Variants in TDRD3 observed in about 807,000 individuals in gnomAD.
TDRD3 encodes tudor domain-containing protein 3.
A neutral mutation model predicts 86.7 loss-of-function variants in TDRD3; 45 were observed. The ratio of observed to expected loss-of-function variants is 0.52; its 90% CI spans 0.41 to 0.67. The LOEUF is 0.67. Ranked by LOEUF, TDRD3 falls within the 30% of genes least tolerant of loss-of-function variation. The probability of loss-of-function intolerance (pLI) is 0.00; values close to 1 mark genes in which losing one functional copy is unlikely to be tolerated. For synonymous variants in TDRD3, 298 were observed against 301.7 expected (o/e 0.99, Z 0.13); for missense variants, 814 against 889.0 (o/e 0.92, Z 1.07).
chr13:60,564,406 C>T (rs2137975792), intron 12 of TDRD3, among the ~76,000 whole-genome samples: 1 of 152,288 alleles, frequency 6.6e-6, no homozygotes, highest in African/African-American at 2.4e-5. Context: ...AAAAGATTTT[C>T]TGGTGCCAAA....
chr13:60,565,634 GTTCTCCAGCCAA>G (rs1361741814), intron 12 of TDRD3, among the ~76,000 whole-genome samples: 1 of 151,712 alleles, frequency 6.6e-6, no homozygotes, highest in African/African-American at 2.4e-5. Flanking sequence ...ATTTTTAGAT[GTTCTCCAGCCAA>G]TTCTGCAGCC....
chr13:60,447,000 T>C (rs552436630), intron 3 of TDRD3, among the ~76,000 whole-genome samples: 1 of 152,314 alleles, frequency 6.6e-6, no homozygotes, highest in Admixed American at 6.5e-5. Context: ...GGACAACAGT[T>C]GGCAAACAGA....
rs754960025 is a variant in TDRD3 at position 60,509,758 on chromosome 13, TC to T, written c.859-3del. ...TCAGCCAGCTTTTCTCTTTATTCCT[TC>T]CAGGTTGATGAGAAAGCTCTGAAGC... On this transcript the variant is annotated splice_polypyrimidine_tract_variant and splice_region_variant and intron_variant, in intron 8 of 13. Transcript: ENST00000377881. The T allele has an allele frequency of 6.2e-7, 1 of 1,613,582 alleles. No homozygotes were observed. Among genetic ancestry groups the T allele is most frequent in the Non-Finnish European group, 8.5e-7 (1 of 1,179,550 alleles).
intron 1 of TDRD3, among the ~76,000 whole-genome samples, chr13:60,413,302 T>C (rs1047906653): frequency 6.6e-6 from 1 of 152,186 alleles, no homozygotes; most frequent in Admixed American, 6.5e-5. Context: ...AACACTGCCA[T>C]GTACCTTTTA....
chr13:60,408,167 T>A (rs1176840953), intron 1 of TDRD3, among the ~76,000 whole-genome samples: 1 of 152,140 alleles, frequency 6.6e-6, no homozygotes, highest in Non-Finnish European at 1.5e-5. Context: ...CATTTTCTCT[T>A]GCCAATGCCA....
At chr13:60,491,637 G>A (rs554970687) in intron 7 of TDRD3, among the ~76,000 whole-genome samples, 3 of 152,270 alleles carry the variant, frequency 2.0e-5, no homozygotes, top group Non-Finnish European at 2.9e-5. Flanking sequence ...ATATAGAATC[G>A]AGGAAGTTGT....
chr13:60,515,398 T>G (rs1287936485), intron 10 of TDRD3, among the ~76,000 whole-genome samples: 1 of 152,188 alleles, frequency 6.6e-6, no homozygotes, highest in Non-Finnish European at 1.5e-5. Context: ...AAACTCTCTT[T>G]GATGATGTTG....
intron 3 of TDRD3, among the ~76,000 whole-genome samples, chr13:60,452,183 T>C (rs905695935): frequency 2.0e-5 from 3 of 152,190 alleles, no homozygotes; most frequent in Non-Finnish European, 4.4e-5. Context: ...TATCTCTTCC[T>C]TTATTTTTCC....
At chr13:60,403,342 CT>C (rs1296394613) in intron 1 of TDRD3, among the ~76,000 whole-genome samples, 3 of 152,244 alleles carry the variant, frequency 2.0e-5, no homozygotes, top group East Asian at 3.9e-4. Flanking sequence ...ACTATATCAA[CT>C]TTTTTGGCTT....
intron 4 of TDRD3, among the ~76,000 whole-genome samples, chr13:60,463,450 G>A (rs1594964839): frequency 6.6e-6 from 1 of 151,458 alleles, no homozygotes; most frequent in African/African-American, 2.4e-5. Context: ...CATTGGTCTG[G>A]GCAAAAATTT....
intron 1 of TDRD3, among the ~76,000 whole-genome samples, chr13:60,414,981 A>C (rs1954462426): frequency 2.6e-5 from 4 of 152,112 alleles, no homozygotes; most frequent in African/African-American, 9.7e-5. Context: ...CTGTTAAAAC[A>C]CATCAGTCTT....
At chr13:60,509,497 C>T (rs1448590322) in intron 8 of TDRD3, 1 of 375,906 alleles carries the variant, frequency 2.7e-6, no homozygotes, top group African/African-American at 2.1e-5. Context: ...AAAGGCCATA[C>T]TCTAACATAT....
intron 4 of TDRD3, among the ~76,000 whole-genome samples, chr13:60,462,930 A>G (rs897138777): frequency 3.3e-5 from 5 of 152,324 alleles, no homozygotes; most frequent in South Asian, 2.1e-4. Flanking sequence ...ACATAGACCA[A>G]TGGAACAGAA....
At chr13:60,569,899 C>T (rs946984285) in intron 13 of TDRD3, among the ~76,000 whole-genome samples, 5 of 152,158 alleles carry the variant, frequency 3.3e-5, no homozygotes, top group Non-Finnish European at 7.4e-5. Context: ...TTCCTACTCT[C>T]ATCATAAGCA....
intron 1 of TDRD3, among the ~76,000 whole-genome samples, chr13:60,431,353 G>T: frequency 6.6e-6 from 1 of 151,840 alleles, no homozygotes; most frequent in East Asian, 1.9e-4. Flanking sequence ...ATAGTCTTCA[G>T]CTTTTTAAAG....
intron 1 of TDRD3, among the ~76,000 whole-genome samples, chr13:60,402,022 C>G (rs567172712): frequency 2.1e-3 from 326 of 152,340 alleles, no homozygotes; most frequent in Non-Finnish European, 3.4e-3. Flanking sequence ...TTCCACATTA[C>G]TTTGAAGATA....
rs551097255 is a variant in TDRD3 at position 60,527,778 on chromosome 13, A to G, written c.1142-589A>G. 2.0e-5 allele frequency among the ~76,000 whole-genome samples: 3 copies of G among 152,322 alleles called. No individual in the cohort carries two copies. The East Asian group carries it at 5.8e-4, about 29-fold the overall frequency. On this transcript the variant is annotated intron_variant, in intron 10 of 13. Transcript: ENST00000377881. ...AGTAGTACCCACTCTTAATTACTTT[A>G]ACAGATCAAGAAAATTAACCCTTTT...
intron 8 of TDRD3, among the ~76,000 whole-genome samples, chr13:60,508,708 G>A (rs1956989986): frequency 6.6e-6 from 1 of 152,092 alleles, no homozygotes; most frequent in Non-Finnish European, 1.5e-5. Context: ...CATAGGCATG[G>A]GCAATATATT....
intron 7 of TDRD3, among the ~76,000 whole-genome samples, chr13:60,494,215 A>T (rs1956663781): frequency 6.6e-6 from 1 of 152,214 alleles, no homozygotes; most frequent in Non-Finnish European, 1.5e-5. Flanking sequence ...TTCACAAATC[A>T]TGTAATTATT....
Sources: allele counts gnomAD v4.1 joint callset (sites outside exome capture counted in the v4.1 genomes callset), GRCh38; gene constraint gnomAD v4.1.1; transcripts MANE v1.5; gene names NCBI Gene and HGNC (gene_info 2026-07-23, HGNC 2026-07-21).